The following SYNE1 variants were observed in gnomAD, a reference collection of about 807,000 sequenced individuals.
SYNE1 encodes nesprin-1.
A neutral mutation model predicts 1,111.0 loss-of-function variants in SYNE1; 616 were observed. The ratio of observed to expected loss-of-function variants is 0.55; its 90% CI spans 0.52 to 0.59. The LOEUF (loss-of-function observed/expected upper bound fraction) is 0.59, where lower values mean the gene tolerates loss of function less well. Among genes scored for constraint, SYNE1 ranks in the 20% least tolerant of loss-of-function variants. The pLI is 0.00. For missense variants in SYNE1, 10,006 were observed against 10,417.0 expected (o/e 0.96, Z 1.72); for synonymous variants, 3,855 against 3,825.8 (o/e 1.01, Z -0.28).
intron 62 of SYNE1, among the ~76,000 whole-genome samples, chr6:152,365,572 A>C (rs2097058529): frequency 6.6e-6 from 1 of 151,734 alleles, no homozygotes; most frequent in Non-Finnish European, 1.5e-5. Flanking sequence ...CGATCCTTCT[A>C]GCTCAGCCTC....
chr6:152,560,322 T>C (rs922411328), intron 3 of SYNE1, among the ~76,000 whole-genome samples: 3 of 152,032 alleles, frequency 2.0e-5, no homozygotes, highest in African/African-American at 7.2e-5. Context: ...GCTGAGATGG[T>C]GCCATTGCAC....
intron 130 of SYNE1, among the ~76,000 whole-genome samples, chr6:152,169,301 G>A (rs562372478): frequency 2.8e-4 from 43 of 152,040 alleles, no homozygotes; most frequent in African/African-American, 9.6e-4. Flanking sequence ...GGTGGCTCAC[G>A]CCTGTAATCC....
At chr6:152,555,473 G>A (rs1427791677) in intron 3 of SYNE1, among the ~76,000 whole-genome samples, 1 of 152,154 alleles carries the variant, frequency 6.6e-6, no homozygotes, top group Admixed American at 6.5e-5. Flanking sequence ...CATAGCCAAG[G>A]TGTGTAGTAG....
chr6:152,122,400 T>A lies in SYNE1; in HGVS notation c.*36A>T, dbSNP rs1051375789. 2 of 1,613,888 alleles carry A rather than the reference T, an allele frequency of 1.2e-6. No homozygotes were observed. Among genetic ancestry groups the A allele is most frequent in the Non-Finnish European group, 1.7e-6 (2 of 1,180,042 alleles). ...ATTGCTTATGACCCGATCCTCCTTA[T>A]GCTACCAGCACTTCTGCAGATGGCA... On this transcript the variant is annotated 3_prime_UTR_variant, in exon 146 of 146. Coordinates refer to ENST00000367255, the MANE Select transcript of SYNE1 (RefSeq NM_182961.4).
At position 152,330,016 on chromosome 6, in the gene SYNE1, T is replaced by C. The variant is rs1203895477; in HGVS notation, c.14669A>G (p.Gln4890Arg). The change falls in exon 78 of 146, where the codon CAG (glutamine) becomes CGG (arginine). Residue 4890 changes from glutamine (Q) to arginine (R), a missense_variant. Around this residue, in one of 7 missense-constraint regions of SYNE1, gnomAD observed 4,955 missense variants for 5,017.2 expected, o/e 0.99. Coordinates refer to ENST00000367255, the MANE Select transcript of SYNE1 (RefSeq NM_182961.4). The stretch of plus-strand genomic sequence containing the variant: ...GTCCAGGGAGCGACTCATCTCAGTC[T>C]GGAAGTCTATACTCTGCACCATTCG... ...ESRMVQSIDFQTEMSRSLDWL... is the reference protein window; with the variant it reads ...ESRMVQSIDFRTEMSRSLDWL... The C allele has an allele frequency of 1.2e-6, 2 of 1,614,074 alleles. No homozygotes were observed. Among genetic ancestry groups the C allele is most frequent in the Non-Finnish European group, 1.7e-6 (2 of 1,180,046 alleles).
chr6:152,566,985 CTG>C (rs59526151), intron 3 of SYNE1, among the ~76,000 whole-genome samples: 10,819 of 146,462 alleles, frequency 0.074, 523 homozygotes, highest in African/African-American at 0.15. Context: ...TCTTCACATA[CTG>C]TGTGTGTGTG....
rs761549517 is a variant in SYNE1, at chr6:152,221,322, T to A, written c.21656+104A>T. On this transcript the variant is annotated intron_variant, in intron 118 of 145. Transcript: ENST00000367255. ...GTTGTGAAAGAGAAGTTTAAAGGAA[T>A]AGAATCTATATAGCTCAAATTCAAA... 5.7e-6 allele frequency: 8 copies of A among 1,399,080 alleles called. No individual in the cohort carries two copies. The East Asian group carries it at 2.0e-4, about 34-fold the overall frequency. 86.7% of individuals were successfully genotyped at this position (1,399,080 alleles called of 1,614,324 possible). A position where few individuals can be genotyped will look rare whatever the true frequency, so the allele number is the denominator to read the frequency against.
Position 152,442,055 on chromosome 6 carries a change from C to T in SYNE1, c.4008+20G>A, listed in dbSNP as rs557902313. 88 of 1,613,788 alleles carry T rather than the reference C, an allele frequency of 5.5e-5. No individual in the cohort carries two copies. Among genetic ancestry groups the T allele is most frequent in the Admixed American group, 4.3e-4 (26 of 60,004 alleles). On this transcript the variant is annotated intron_variant, in intron 31 of 145. Coordinates refer to ENST00000367255, the MANE Select transcript of SYNE1 (RefSeq NM_182961.4). The stretch of plus-strand genomic sequence containing the variant: ...ACTGCCCAGCCTCTGTTTAAATGGC[C>T]CCTAACTTCCGGCTCCTACCTGGAT...
At chr6:152,141,405 G>GCC (rs2058528646) in intron 138 of SYNE1, 76 bp from the exon 139 acceptor site, 1 of 1,590,632 alleles carries the variant, frequency 6.3e-7, no homozygotes, top group African/African-American at 1.3e-5. Context: ...AAATCTCTTT[G>GCC]TAATTTCTCA....
At position 152,334,134 on chromosome 6, in the gene SYNE1, C is replaced by T. The variant is rs140492158; in HGVS notation, c.12668G>A (p.Arg4223His). 5.0e-5 allele frequency: 80 copies of T among 1,614,148 alleles called. No homozygotes were observed. Among genetic ancestry groups the T allele is most frequent in the East Asian group, 4.0e-4 (18 of 44,882 alleles). ...HLNDQWLDLC[R>H]QSNNLCLQRE... ...TTGCAAGCACAGGTTGTTAGACTGA[C>T]GGCACAAATCGAGCCACTGATCATT... The change falls in exon 77 of 146, where the codon CGT becomes CAT. Residue 4223 changes from arginine to histidine, a missense_variant. Transcript: ENST00000367255.
rs763723895 is a variant in SYNE1 at position 152,364,878 on chromosome 6, A to T, written c.10114T>A (p.Ser3372Thr). ...CAACGAATCCCTGCAGACAAAAGGG[A>T]TGCCCACATATCCTTCACACTCTGC... is the stretch of plus-strand genomic sequence containing the variant. Reference protein sequence around the residue: ...QLQSVKDMWASLLSAGIRCKS... With the variant: ...QLQSVKDMWATLLSAGIRCKS... The change falls in exon 63 of 146, where the codon TCC (serine) becomes ACC (threonine). Residue 3372 changes from serine to threonine, a missense_variant. This residue lies in a region of SYNE1 where 4,955 missense variants were observed against 5,017.2 expected (regional missense o/e 0.99). Coordinates refer to ENST00000367255, the MANE Select transcript of SYNE1 (RefSeq NM_182961.4). 14 of 1,614,048 alleles carry T rather than the reference A, an allele frequency of 8.7e-6. No homozygotes were observed. In the African/African-American group the frequency reaches 9.3e-5, roughly 11 times the overall value.
At chr6:152,383,187 G>A (rs773593223) in intron 55 of SYNE1, among the ~76,000 whole-genome samples, 27 of 152,112 alleles carry the variant, frequency 1.8e-4, no homozygotes, top group Non-Finnish European at 2.2e-4. Context: ...ATTTCTTTCT[G>A]CCAATTCCTT....
intron 122 of SYNE1, among the ~76,000 whole-genome samples, chr6:152,214,156 G>T (rs1354166909): frequency 6.9e-6 from 1 of 145,526 alleles, no homozygotes; most frequent in African/African-American, 2.6e-5. Context: ...TTGTGCCTTT[G>T]CACTCCAGCC....
chr6:152,258,790 G>C (rs1046591567), intron 101 of SYNE1, among the ~76,000 whole-genome samples: 2 of 151,138 alleles, frequency 1.3e-5, no homozygotes, highest in African/African-American at 4.9e-5. Context: ...CATCGCCCAG[G>C]CTGGAGTGTA....
At chr6:152,169,248 G>GAAC (rs1386833282) in intron 130 of SYNE1, among the ~76,000 whole-genome samples, 1 of 152,062 alleles carries the variant, frequency 6.6e-6, no homozygotes, top group Non-Finnish European at 1.5e-5. Context: ...TTTTAAAACA[G>GAAC]AACACTACAG....
chr6:152,444,673 T>C (rs2098560535), intron 29 of SYNE1, 95 bp from the exon 30 acceptor site: 6 of 1,136,016 alleles, frequency 5.3e-6, no homozygotes, highest in Non-Finnish European at 7.6e-6. Flanking sequence ...CAAATAAACA[T>C]TGTACATATT....
chr6:152,394,492 T>A (rs1255405221), intron 51 of SYNE1, among the ~76,000 whole-genome samples: 1 of 151,866 alleles, frequency 6.6e-6, no homozygotes, highest in Non-Finnish European at 1.5e-5. Flanking sequence ...AGCAAGCAAA[T>A]GAAAATGCCA....
In SYNE1 at chr6:152,498,631, A is replaced by G. The variant is rs578081950; in HGVS notation, c.939+111T>C. On this transcript the variant is annotated intron_variant, in intron 11 of 145. Coordinates refer to ENST00000367255, the MANE Select transcript of SYNE1 (RefSeq NM_182961.4). ...GAAACGCAAATGATGTGATTAAAGT[A>G]TTAAGAGAAATGTATACATAAAGAC... The G allele has an allele frequency of 7.8e-5, 50 of 643,856 alleles. No homozygotes were observed. The African/African-American group carries it at 8.8e-4, about 11-fold the overall frequency. 39.9% of individuals were successfully genotyped at this position (643,856 alleles called of 1,614,324 possible).
At chr6:152,168,700 C>T (rs967342625) in intron 130 of SYNE1, among the ~76,000 whole-genome samples, 5 of 152,066 alleles carry the variant, frequency 3.3e-5, no homozygotes, top group Non-Finnish European at 7.4e-5. Flanking sequence ...GTTCAGTATG[C>T]CAGCTCGGTA....
Sources: gnomAD v4.1 joint callset for allele counts (sites outside exome capture counted in the v4.1 genomes callset) on GRCh38, gnomAD v4.1.1 for gene constraint, gnomAD v4.1.1 regional missense constraint, MANE v1.5 for transcripts, NCBI Gene and HGNC (gene_info 2026-07-23, HGNC 2026-07-21) for gene names.